The following MAN2A1 variants were observed in gnomAD, a reference collection of about 807,000 sequenced individuals.
MAN2A1 encodes alpha-mannosidase 2.
Under a neutral mutation model 142.6 loss-of-function variants are expected in MAN2A1, and 76 were observed. That is an observed-to-expected ratio of 0.53 (90% CI 0.44 to 0.65). The LOEUF is 0.65. Ranked by LOEUF, MAN2A1 falls within the 30% of genes least tolerant of loss-of-function variation. MAN2A1 has a pLI of 0.00. For missense variants in MAN2A1, 1,311 were observed against 1,365.1 expected, an observed-to-expected ratio of 0.96 and a Z score of 0.62; for synonymous variants, 559 against 473.2, an observed-to-expected ratio of 1.18 and a Z score of -2.35.
rs1751366478 is a variant in MAN2A1 at position 109,713,627 on chromosome 5, G to A, written c.243G>A (p.Glu81=). 1 of 1,614,184 alleles carries A rather than the reference G, an allele frequency of 6.2e-7. No homozygotes were observed. The highest frequency in any genetic ancestry group is 8.5e-7 in the Non-Finnish European group (1 of 1,180,022). ...NIRDSVINLS[E]SVEDGPKSSQ... ...GAGACTCAGTCATCAATTTGAGTGA[G>A]TCTGTGGAGGATGGTCCGAAAAGTT... The change falls in exon 2 of 22, where the codon GAG becomes GAA. Residue 81 remains glutamate (E), a synonymous_variant. Transcript: ENST00000261483.
chr5:109,758,110 A>G (rs1238456129), intron 5 of MAN2A1, among the ~76,000 whole-genome samples: 2 of 152,140 alleles, frequency 1.3e-5, no homozygotes, highest in East Asian at 3.9e-4. Flanking sequence ...AACTTTTCCA[A>G]AAGAGCGGTA....
At chr5:109,851,794 C>T (rs1477484319) in intron 19 of MAN2A1, among the ~76,000 whole-genome samples, 1 of 151,994 alleles carries the variant, frequency 6.6e-6, no homozygotes, top group Non-Finnish European at 1.5e-5. Flanking sequence ...TGTAAGTGTT[C>T]AAGTGTTAAA....
At chr5:109,799,931 T>A (rs1037151312) in intron 12 of MAN2A1, among the ~76,000 whole-genome samples, 13 of 151,102 alleles carry the variant, frequency 8.6e-5, no homozygotes, top group African/African-American at 3.2e-4. Flanking sequence ...CTACAGAAAA[T>A]ACAAAAATTA....
chr5:109,833,360 T>C (rs942987893), intron 16 of MAN2A1, among the ~76,000 whole-genome samples: 27 of 152,036 alleles, frequency 1.8e-4, no homozygotes, highest in Non-Finnish European at 1.2e-4. Context: ...ATCACGCCAC[T>C]GCACTCCAGC....
intron 12 of MAN2A1, among the ~76,000 whole-genome samples, chr5:109,815,531 G>A (rs551451390): frequency 1.5e-3 from 226 of 152,258 alleles, no homozygotes; most frequent in Non-Finnish European, 2.4e-3. Context: ...AGGAATTAGA[G>A]ACATTCTTAA....
chr5:109,801,777 C>A (rs948582125), intron 12 of MAN2A1, among the ~76,000 whole-genome samples: 8 of 151,950 alleles, frequency 5.3e-5, no homozygotes, highest in Non-Finnish European at 8.8e-5. Context: ...GAAAATCATA[C>A]CAAACACAAT....
intron 4 of MAN2A1, among the ~76,000 whole-genome samples, chr5:109,745,856 A>G (rs1224703518): frequency 6.6e-6 from 1 of 152,184 alleles, no homozygotes; most frequent in Non-Finnish European, 1.5e-5. Flanking sequence ...GCCTGAGGTG[A>G]TCCTCCTGCA....
At chr5:109,817,775 G>T (rs1754508949) in intron 13 of MAN2A1, among the ~76,000 whole-genome samples, 1 of 152,110 alleles carries the variant, frequency 6.6e-6, no homozygotes, top group Non-Finnish European at 1.5e-5. Flanking sequence ...TTTGCTCTAA[G>T]TGAATTTAAT....
intron 16 of MAN2A1, among the ~76,000 whole-genome samples, chr5:109,833,866 T>TTCAA (rs1311859172): frequency 2.0e-5 from 3 of 152,206 alleles, no homozygotes; most frequent in Non-Finnish European, 2.9e-5. Flanking sequence ...TAGGTATGCT[T>TTCAA]TCAATTTTGG....
intron 16 of MAN2A1, among the ~76,000 whole-genome samples, chr5:109,835,287 T>C (rs1028747435): frequency 6.6e-6 from 1 of 152,232 alleles, no homozygotes; most frequent in African/African-American, 2.4e-5. Context: ...ATAGCTATTA[T>C]TATCCTACTT....
At chr5:109,825,555 G>A (rs1754733216) in intron 16 of MAN2A1, among the ~76,000 whole-genome samples, 1 of 152,128 alleles carries the variant, frequency 6.6e-6, no homozygotes, top group African/African-American at 2.4e-5. Flanking sequence ...CACATCATAG[G>A]GCAGTTTGTG....
chr5:109,701,703 G>T (rs566575115), intron 1 of MAN2A1, among the ~76,000 whole-genome samples: 18 of 152,268 alleles, frequency 1.2e-4, no homozygotes, highest in African/African-American at 4.3e-4. Flanking sequence ...TATTGAATTG[G>T]CTAGAATCGG....
chr5:109,828,092 G>A (rs1264627415), intron 16 of MAN2A1, among the ~76,000 whole-genome samples: 4 of 145,742 alleles, frequency 2.7e-5, no homozygotes, highest in Admixed American at 6.9e-5. Flanking sequence ...GCAACAGAGC[G>A]AGACTCTGTC....
intron 17 of MAN2A1, 95 bp downstream of exon 17, chr5:109,842,556 A>C: frequency 3.7e-6 from 3 of 805,712 alleles, no homozygotes; most frequent in Non-Finnish European, 5.4e-6. Flanking sequence ...CCTTTGAAAA[A>C]GTATACTTAA....
At position 109,766,254 on chromosome 5, in the gene MAN2A1, A is replaced by G. The variant is rs1752987592; in HGVS notation, c.836-1281A>G. 2.0e-5 allele frequency among the ~76,000 whole-genome samples: 3 copies of G among 152,210 alleles called. No individual in the cohort carries two copies. In the South Asian group the frequency reaches 6.2e-4, roughly 32 times the overall value. Reference sequence around the variant, plus strand: ...TGAAAATTCTGGCTCCCTTGTTCTCATTTGTTCAATCTTAGAATACATGAA... The same window carrying G: ...TGAAAATTCTGGCTCCCTTGTTCTCGTTTGTTCAATCTTAGAATACATGAA... On this transcript the variant is annotated intron_variant, in intron 5 of 21. Transcript: ENST00000261483.
intron 5 of MAN2A1, among the ~76,000 whole-genome samples, chr5:109,758,848 G>T (rs1245569973): frequency 6.6e-6 from 1 of 151,788 alleles, no homozygotes; most frequent in Non-Finnish European, 1.5e-5. Flanking sequence ...TATTGGAAAA[G>T]ATGATTCTTT....
intron 16 of MAN2A1, among the ~76,000 whole-genome samples, chr5:109,839,140 A>G (rs1755131978): frequency 6.6e-6 from 1 of 152,152 alleles, no homozygotes; most frequent in African/African-American, 2.4e-5. Context: ...TCATCAGCTA[A>G]GCTCCCTAGT....
chr5:109,816,626 A>G (rs1437987817), intron 12 of MAN2A1, among the ~76,000 whole-genome samples: 2 of 152,210 alleles, frequency 1.3e-5, no homozygotes, highest in Non-Finnish European at 2.9e-5. Flanking sequence ...TGAATATTAG[A>G]TTTTTAACTG....
intron 4 of MAN2A1, among the ~76,000 whole-genome samples, chr5:109,734,349 GT>G (rs1220684268): frequency 6.7e-6 from 1 of 148,370 alleles, no homozygotes; most frequent in African/African-American, 2.5e-5. Context: ...TTTTTGAAGA[GT>G]TTTTTGTGTC....
Sources: allele counts gnomAD v4.1 joint callset (sites outside exome capture counted in the v4.1 genomes callset), GRCh38; gene constraint gnomAD v4.1.1; transcripts MANE v1.5; gene names NCBI Gene and HGNC (gene_info 2026-07-23, HGNC 2026-07-21).